The following UGT1A9 variants were observed in gnomAD, a reference collection of about 807,000 sequenced individuals.
UGT1A9 encodes UDP glucuronosyltransferase family 1 member A9.
In UGT1A9, 35 loss-of-function variants were observed where a neutral mutation model predicts 45.0. That is an observed-to-expected ratio of 0.78 (90% CI 0.59 to 1.03). The LOEUF (loss-of-function observed/expected upper bound fraction) is 1.03, where lower values mean the gene tolerates loss of function less well. UGT1A9 is among the 50% of genes least tolerant of loss of function. UGT1A9 has a pLI of 0.00. For synonymous variants in UGT1A9, 278 were observed against 250.6 expected (o/e 1.11, Z -1.03); for missense variants, 687 against 666.6 (o/e 1.03, Z -0.34).
At chr2:233,764,091 A>T (rs1189642052) in intron 1 of UGT1A9, among the ~76,000 whole-genome samples, 1 of 152,202 alleles carries the variant, frequency 6.6e-6, no homozygotes, top group East Asian at 1.9e-4. Flanking sequence ...AAAAGCCTAA[A>T]CTAAAAATAC....
intron 1 of UGT1A9, chr2:233,729,739 A>G (rs1185017331): frequency 1.9e-6 from 3 of 1,613,856 alleles, no homozygotes; most frequent in East Asian, 4.5e-5. Context: ...TTCAGACCAC[A>G]TGACATTCAT....
chr2:233,687,690 C>G (rs1385229138), intron 1 of UGT1A9, among the ~76,000 whole-genome samples: 1 of 151,794 alleles, frequency 6.6e-6, no homozygotes, highest in Non-Finnish European at 1.5e-5. Context: ...ATCACTTAAG[C>G]CCAGGAGTTT....
intron 1 of UGT1A9, chr2:233,689,984 A>C: frequency 2.2e-6 from 1 of 453,360 alleles, no homozygotes; most frequent in South Asian, 1.6e-5. Context: ...AGGCCCCTAA[A>C]AGGGATTCTC....
intron 1 of UGT1A9, among the ~76,000 whole-genome samples, chr2:233,678,844 C>A (rs1360054966): frequency 6.6e-6 from 1 of 152,182 alleles, no homozygotes; most frequent in Non-Finnish European, 1.5e-5. Context: ...TTATCCCCAA[C>A]ATTTTGTTGC....
At chr2:233,679,297 C>T (rs2074448168) in intron 1 of UGT1A9, among the ~76,000 whole-genome samples, 1 of 152,168 alleles carries the variant, frequency 6.6e-6, no homozygotes, top group Admixed American at 6.5e-5. Flanking sequence ...ACGGACAAAG[C>T]CTTGATGGAA....
intron 1 of UGT1A9, among the ~76,000 whole-genome samples, chr2:233,732,898 G>C (rs1347576081): frequency 6.6e-6 from 1 of 151,914 alleles, no homozygotes; most frequent in Non-Finnish European, 1.5e-5. Flanking sequence ...AATTACCTTG[G>C]GCAGTATGGC....
At chr2:233,731,449 C>T (rs2078164021) in intron 1 of UGT1A9, among the ~76,000 whole-genome samples, 1 of 152,132 alleles carries the variant, frequency 6.6e-6, no homozygotes, top group South Asian at 2.1e-4. Flanking sequence ...CCCCACCCCA[C>T]AACAGGCCCT....
intron 1 of UGT1A9, among the ~76,000 whole-genome samples, chr2:233,762,064 C>A (rs574389899): frequency 1.3e-5 from 2 of 152,174 alleles, no homozygotes; most frequent in South Asian, 4.2e-4. Flanking sequence ...CATAGCACAT[C>A]AAATATGGCA....
chr2:233,738,188 G>T (rs543563413), intron 1 of UGT1A9, among the ~76,000 whole-genome samples: 6 of 152,088 alleles, frequency 3.9e-5, no homozygotes, highest in Non-Finnish European at 8.8e-5. Flanking sequence ...ACGTGTCTTT[G>T]CCTCTCTCTC....
Position 233,730,113 on chromosome 2 carries a change from C to T in UGT1A9, c.856-36921C>T, listed in dbSNP as rs1287163438. 3 of 1,563,380 alleles carry T rather than the reference C, an allele frequency of 1.9e-6. No homozygotes were observed. In the African/African-American group the frequency reaches 4.1e-5, roughly 21 times the overall value. ...TTCCAAATATTTCATTTCTGCTTCTCCTTGTCATAATAGCCTTCAGTGAGA... is the reference window on the plus strand; with the variant it reads ...TTCCAAATATTTCATTTCTGCTTCTTCTTGTCATAATAGCCTTCAGTGAGA... On this transcript the variant is annotated intron_variant, in intron 1 of 4. Coordinates refer to ENST00000354728, the MANE Select transcript of UGT1A9 (RefSeq NM_021027.3).
chr2:233,765,512 A>T (rs1230847041), intron 1 of UGT1A9, among the ~76,000 whole-genome samples: 5 of 152,144 alleles, frequency 3.3e-5, no homozygotes, highest in African/African-American at 1.2e-4. Flanking sequence ...AGGAACAGAA[A>T]ATCAAACACC....
At chr2:233,701,299 TC>T (rs1695147734) in intron 1 of UGT1A9, among the ~76,000 whole-genome samples, 1 of 152,164 alleles carries the variant, frequency 6.6e-6, no homozygotes, top group Non-Finnish European at 1.5e-5. Context: ...CGCCACACTG[TC>T]TTCCACAATG....
chr2:233,688,577 C>G (rs2074902180), intron 1 of UGT1A9, among the ~76,000 whole-genome samples: 1 of 152,126 alleles, frequency 6.6e-6, no homozygotes, highest in African/African-American at 2.4e-5. Context: ...ATGAGTTCAT[C>G]TTGTTTTGGT....
chr2:233,712,871 CTG>C, intron 1 of UGT1A9: 2 of 1,585,160 alleles, frequency 1.3e-6, no homozygotes, highest in Non-Finnish European at 1.7e-6. Context: ...GGAGGGCACT[CTG>C]TCTTCAATTA....
At chr2:233,742,842 A>G (rs1167043204) in intron 1 of UGT1A9, 1 of 158,994 alleles carries the variant, frequency 6.3e-6, no homozygotes, top group Non-Finnish European at 1.4e-5. Flanking sequence ...TACACACTAA[A>G]CAATAAAGTC....
intron 1 of UGT1A9, among the ~76,000 whole-genome samples, chr2:233,677,580 T>C (rs781203601): frequency 1.3e-5 from 2 of 152,140 alleles, no homozygotes; most frequent in Non-Finnish European, 2.9e-5. Flanking sequence ...GAAAAAATGC[T>C]CAACATCACT....
At chr2:233,682,411 C>T (rs774746807) in intron 1 of UGT1A9, 70 of 1,613,784 alleles carry the variant, frequency 4.3e-5, no homozygotes, top group South Asian at 9.9e-5. Context: ...TAATTGTTGC[C>T]AAATATTTCT....
At chr2:233,771,020 A>T (rs1052274200) in intron 4 of UGT1A9, 14 of 152,140 alleles carry the variant, frequency 9.2e-5, no homozygotes, top group Non-Finnish European at 2.1e-4. Flanking sequence ...GGAGCGAGAG[A>T]GAGTTGGGGG....
At position 233,693,745 on chromosome 2, in the gene UGT1A9, T is replaced by C. The variant is rs368550302; in HGVS notation, c.855+20956T>C. On this transcript the variant is annotated intron_variant, in intron 1 of 4. Transcript: ENST00000354728. The stretch of plus-strand genomic sequence containing the variant: ...GAGATGTGGATATAATCACCTTATA[T>C]CAGAAGGTCTCTGTTTGGCTGTTAA... 4.3e-6 allele frequency: 7 copies of C among 1,614,236 alleles called. No homozygotes were observed. The South Asian group carries it at 7.7e-5, about 18-fold the overall frequency.
Sources: gnomAD v4.1 joint callset for allele counts (sites outside exome capture counted in the v4.1 genomes callset) on GRCh38, gnomAD v4.1.1 for gene constraint, MANE v1.5 for transcripts, NCBI Gene and HGNC (gene_info 2026-07-23, HGNC 2026-07-21) for gene names.